Variants in GCC2 observed in about 807,000 individuals in gnomAD.
GCC2 encodes GRIP and coiled-coil domain-containing protein 2.
Under a neutral mutation model 210.6 loss-of-function variants are expected in GCC2, and 120 were observed. The ratio of observed to expected loss-of-function variants is 0.57; its 90% CI spans 0.49 to 0.66. The LOEUF (loss-of-function observed/expected upper bound fraction) is 0.66, where lower values mean the gene tolerates loss of function less well. Ranked by LOEUF, GCC2 falls within the 30% of genes least tolerant of loss-of-function variation. The probability of loss-of-function intolerance (pLI) is 0.00; values close to 1 mark genes in which losing one functional copy is unlikely to be tolerated. For synonymous variants in GCC2, 703 were observed against 652.7 expected (o/e 1.08, Z -1.17); for missense variants, 1,868 against 1,871.9 (o/e 1.00, Z 0.04).
At chr2:108,479,421 G>A (rs906165480) in intron 9 of GCC2, among the ~76,000 whole-genome samples, 4 of 152,110 alleles carry the variant, frequency 2.6e-5, no homozygotes, top group African/African-American at 9.7e-5. Context: ...CAGGCAGATT[G>A]CCTGAGCTTA....
intron 12 of GCC2, among the ~76,000 whole-genome samples, chr2:108,483,390 A>AT (rs1324337206): frequency 6.6e-6 from 1 of 151,968 alleles, no homozygotes; most frequent in Non-Finnish European, 1.5e-5. Context: ...CACCCGGCTA[A>AT]TTTTTTGTAT....
At chr2:108,498,212 T>G (rs1682743503) in intron 21 of GCC2, among the ~76,000 whole-genome samples, 2 of 139,466 alleles carry the variant, frequency 1.4e-5, no homozygotes, top group South Asian at 2.3e-4. Flanking sequence ...TTTTTTTTTT[T>G]TGAGATAGAG....
chr2:108,455,331 T>G (rs953492268), intron 4 of GCC2, among the ~76,000 whole-genome samples: 7 of 152,076 alleles, frequency 4.6e-5, no homozygotes, highest in African/African-American at 1.4e-4. Context: ...CCCAAGCTAC[T>G]TGGTAGCTGA....
Position 108,471,755 on chromosome 2 carries a change from T to TA in GCC2, c.2427dup (p.Glu810ArgfsTer7), listed in dbSNP as rs1681234308. The TA allele has an allele frequency of 6.2e-7, 1 of 1,613,142 alleles. No homozygotes were observed. Among genetic ancestry groups the TA allele is most frequent in the African/African-American group, 1.3e-5 (1 of 74,838 alleles). On this transcript the variant is annotated frameshift_variant, in exon 6 of 23. Coordinates refer to ENST00000309863, the MANE Select transcript of GCC2 (RefSeq NM_181453.4). LOFTEE classifies it high-confidence loss of function. ...GCTTTTCAGCGTGATGAAAAAGTATTAGAGTTAGAAAAAGAGATTAAGTGC... is the reference window on the plus strand; with the variant it reads ...GCTTTTCAGCGTGATGAAAAAGTATTAAGAGTTAGAAAAAGAGATTAAGTGC...
At chr2:108,476,054 C>G in intron 9 of GCC2, among the ~76,000 whole-genome samples, 1 of 96,316 alleles carries the variant, frequency 1.0e-5, no homozygotes, top group African/African-American at 3.8e-5. Flanking sequence ...TAGTGGCTTG[C>G]TTTTTTTTTT....
At chr2:108,469,382 C>T (rs1681066017) in intron 5 of GCC2, 12 of 435,686 alleles carry the variant, frequency 2.8e-5, no homozygotes, top group South Asian at 1.8e-4. Context: ...TTTAGTTCTA[C>T]GGTATTCAGA....
At chr2:108,480,616 T>C (rs138008204) in intron 9 of GCC2, among the ~76,000 whole-genome samples, 1 of 152,302 alleles carries the variant, frequency 6.6e-6, no homozygotes, top group African/African-American at 2.4e-5. Context: ...TGTATGAAGC[T>C]GGAAGCCACT....
chr2:108,469,924 T>G lies in GCC2; in HGVS notation c.595T>G (p.Leu199Val). 1 of 1,613,694 alleles carries G rather than the reference T, an allele frequency of 6.2e-7. No individual in the cohort carries two copies. Among genetic ancestry groups the G allele is most frequent in the East Asian group, 2.2e-5 (1 of 44,848 alleles). ...KIRPGFEEQI[L>V]YLQKQLDATT... ...TAGGCCAGGCTTTGAGGAGCAAATT[T>G]TATATCTGCAAAAGCAATTAGACGC... The change falls in exon 6 of 23, where the codon TTA becomes GTA. Residue 199 changes from leucine (L) to valine (V), a missense_variant. Physicochemically the swap from Leu to Val is conservative, Grantham distance 32. Around this residue, in one of 3 missense-constraint regions of GCC2, gnomAD observed 1,847 missense variants for 1,765.2 expected, o/e 1.05. Coordinates refer to ENST00000309863, the MANE Select transcript of GCC2 (RefSeq NM_181453.4).
At chr2:108,479,965 A>G (rs1201747719) in intron 9 of GCC2, among the ~76,000 whole-genome samples, 1 of 139,510 alleles carries the variant, frequency 7.2e-6, no homozygotes, top group African/African-American at 2.7e-5. Context: ...CTGGCGACAG[A>G]GCGAGACTCC....
intron 4 of GCC2, among the ~76,000 whole-genome samples, chr2:108,468,756 C>T (rs2718707): frequency 0.19 from 29,512 of 152,160 alleles, 3,193 homozygotes; most frequent in African/African-American, 0.27. Flanking sequence ...TTTCTTCCTG[C>T]TTCTAATTCA....
intron 19 of GCC2, chr2:108,494,612 C>A (rs541786320): frequency 6.6e-6 from 1 of 152,104 alleles, no homozygotes; most frequent in African/African-American, 2.4e-5. Flanking sequence ...AATACCTAAT[C>A]CTGAAAAATT....
Position 108,481,752 on chromosome 2 carries a change from G to T in GCC2, c.3116G>T (p.Arg1039Leu), listed in dbSNP as rs145961164. 9 of 1,602,048 alleles carry T rather than the reference G, an allele frequency of 5.6e-6. No homozygotes were observed. In the South Asian group the frequency reaches 1.0e-4, roughly 18 times the overall value. Residue 1039 changes from arginine (R) to leucine (L), a missense_variant, in exon 10 of 23, where the codon CGT (arginine) becomes CTT (leucine). Transcript: ENST00000309863. Reference sequence around the variant, plus strand: ...GAGCAACTGGATGTGGAAAAAGAACGTGCTAATAATTTTGAGCATCGTATT... The same window carrying T: ...GAGCAACTGGATGTGGAAAAAGAACTTGCTAATAATTTTGAGCATCGTATT... ...QSEQLDVEKE[R>L]ANNFEHRIED... is the part of the protein sequence containing the mutation.
chr2:108,454,677 A>C (rs1573341265), intron 4 of GCC2, among the ~76,000 whole-genome samples: 2 of 152,166 alleles, frequency 1.3e-5, no homozygotes, highest in African/African-American at 4.8e-5. Context: ...GACCTTGACT[A>C]AGTTTCTTAA....
chr2:108,449,371 C>T (rs1301035619), intron 1 of GCC2, 91 bp downstream of exon 1: 1 of 1,506,270 alleles, frequency 6.6e-7, no homozygotes, highest in African/African-American at 1.4e-5. Context: ...GCGCGGTAGT[C>T]TCCCTCTTGG....
chr2:108,493,523 G>A, intron 19 of GCC2: 11 of 985,894 alleles, frequency 1.1e-5, no homozygotes, highest in Non-Finnish European at 1.3e-5. Flanking sequence ...CACTGAATGT[G>A]TTAGAACTGC....
Position 108,509,301 on chromosome 2 carries a change from ATTACT to A in GCC2, c.*1674_*1678del, listed in dbSNP as rs1036696314. On this transcript the variant is annotated 3_prime_UTR_variant, in exon 23 of 23. Coordinates refer to ENST00000309863, the MANE Select transcript of GCC2 (RefSeq NM_181453.4). Reference sequence around the variant, plus strand: ...AAAATAATTTTTTGCATGATAAAAAATTACTTTGATTACAAAAGGCATATTCTTTC... The same window carrying A: ...AAAATAATTTTTTGCATGATAAAAAATTGATTACAAAAGGCATATTCTTTC... The A allele has an allele frequency of 1.5e-4, 23 of 152,718 alleles. No homozygotes were observed. In the East Asian group the frequency reaches 2.9e-3, roughly 19 times the overall value. The allele number at this position is 152,718 out of a possible 1,614,324, so 9.5% of individuals were successfully genotyped here. A position where few individuals can be genotyped will look rare whatever the true frequency, so the allele number is the denominator to read the frequency against.
At chr2:108,458,327 T>G (rs1388344975) in intron 4 of GCC2, among the ~76,000 whole-genome samples, 2 of 151,412 alleles carry the variant, frequency 1.3e-5, no homozygotes, top group East Asian at 3.9e-4. Context: ...AGTATTTTGC[T>G]GAGGATTTTT....
chr2:108,476,638 GAATT>G (rs1681542483), intron 9 of GCC2, among the ~76,000 whole-genome samples: 1 of 151,976 alleles, frequency 6.6e-6, no homozygotes, highest in Non-Finnish European at 1.5e-5. Flanking sequence ...AAAAAGATAA[GAATT>G]AAAAATTAAA....
At chr2:108,487,900 ATTTTTTTTTTTTTTT>A (rs1008834430) in intron 17 of GCC2, 80 bp downstream of exon 17, 23 of 648,114 alleles carry the variant, frequency 3.5e-5, no homozygotes, top group Non-Finnish European at 4.9e-5. Context: ...TCCTATTATG[ATTTTTTTTTTTTTTT>A]TTTTTTTTGA....
Sources: allele counts gnomAD v4.1 joint callset (sites outside exome capture counted in the v4.1 genomes callset), GRCh38; gene constraint gnomAD v4.1.1; regional missense constraint gnomAD v4.1.1; transcripts MANE v1.5; gene names NCBI Gene and HGNC (gene_info 2026-07-23, HGNC 2026-07-21).